RYR2: variants seen among roughly 807,000 people sequenced by gnomAD.
The protein encoded by RYR2 is ryanodine receptor 2, also known as cardiac muscle ryanodine receptor-calcium release channel.
Under a neutral mutation model 601.1 loss-of-function variants are expected in RYR2, and 227 were observed. The ratio of observed to expected loss-of-function variants is 0.38; its 90% CI spans 0.34 to 0.42. RYR2 has a LOEUF of 0.42. Ranked by LOEUF, RYR2 falls within the 10% of genes least tolerant of loss-of-function variation. The pLI is 1.00. For missense variants in RYR2, 4,646 were observed against 6,156.5 expected (o/e 0.75, Z 8.21); for synonymous variants, 2,223 against 2,175.1 (o/e 1.02, Z -0.61).
chr1:237,631,518 G>A lies in RYR2; in HGVS notation c.6532G>A (p.Val2178Ile), dbSNP rs794728821. ...HETVMEVMVN[V>I]LGGGESKEIT... ...GACTGTGATGGAGGTCATGGTGAAC[G>A]TCCTTGGAGGTGGAGAGTCCAAGGT... Residue 2178 changes from valine (V) to isoleucine (I), a missense_variant, in exon 42 of 105, where the codon GTC (valine) becomes ATC (isoleucine). This residue lies in a region of RYR2 where 137 missense variants were observed against 273.6 expected (regional missense o/e 0.50). Coordinates refer to ENST00000366574, the MANE Select transcript of RYR2 (RefSeq NM_001035.3). 6.2e-7 allele frequency: 1 copy of A among 1,607,508 alleles called. No homozygotes were observed. The highest frequency in any genetic ancestry group is 8.5e-7 in the Non-Finnish European group (1 of 1,176,228).
At position 237,086,352 on chromosome 1, in the gene RYR2, C is replaced by T. The variant is rs551221463; in HGVS notation, c.48+43783C>T. On this transcript the variant is annotated intron_variant, in intron 1 of 104. Coordinates refer to ENST00000366574, the MANE Select transcript of RYR2 (RefSeq NM_001035.3). ...TCACTAGTCATATTGGATGAGGGCT[C>T]ACCCTCATTTCCTCATTTTAACTCA... is the stretch of plus-strand genomic sequence containing the variant. Among the ~76,000 whole-genome samples the T allele has an allele frequency of 1.3e-3, 192 of 152,266 alleles. 1 individual carries two copies. Among genetic ancestry groups the T allele is most frequent in the African/African-American group, 4.4e-3 (182 of 41,566 alleles).
rs1680248057 is a variant in RYR2 at position 237,631,536 on chromosome 1, T to A, written c.6550T>A (p.Ser2184Thr). 6.3e-7 allele frequency: 1 copy of A among 1,596,336 alleles called. No homozygotes were observed. The highest frequency in any genetic ancestry group is 1.7e-5 in the Admixed American group (1 of 58,458). The change falls in exon 42 of 105, where the codon TCC (serine) becomes ACC (threonine). Residue 2184 changes from serine to threonine, a missense_variant. Around this residue, in one of 17 missense-constraint regions of RYR2, gnomAD observed 137 missense variants for 273.6 expected, o/e 0.50. Transcript: ENST00000366574. ...GGTGAACGTCCTTGGAGGTGGAGAG[T>A]CCAAGGTAACGTCTTTGATTCCTGA... ...VMVNVLGGGE[S>T]KEITFPKMVA...
At chr1:237,599,685 T>C (rs1272086716) in intron 34 of RYR2, among the ~76,000 whole-genome samples, 1 of 151,770 alleles carries the variant, frequency 6.6e-6, no homozygotes. Context: ...TAGCCGGGCA[T>C]GGTGGCAGGC....
intron 80 of RYR2, among the ~76,000 whole-genome samples, chr1:237,749,299 G>A (rs772006021): frequency 1.3e-5 from 2 of 152,170 alleles, no homozygotes; most frequent in Non-Finnish European, 1.5e-5. Context: ...GTGAGCGGAA[G>A]CCTCAATTTT....
At chr1:237,374,688 C>T (rs989260272) in intron 6 of RYR2, 29 bp from the exon 7 acceptor site, 2 of 1,573,146 alleles carry the variant, frequency 1.3e-6, no homozygotes, top group Non-Finnish European at 8.7e-7. Flanking sequence ...AAAACCTCTA[C>T]TTACAACTAC....
At chr1:237,779,809 C>CTGAT in intron 88 of RYR2, among the ~76,000 whole-genome samples, 1 of 152,192 alleles carries the variant, frequency 6.6e-6, no homozygotes, top group African/African-American at 2.4e-5. Context: ...TGAACTGAAC[C>CTGAT]TGATTTGATT....
At chr1:237,706,272 G>A (rs192446168) in intron 67 of RYR2, among the ~76,000 whole-genome samples, 1 of 152,112 alleles carries the variant, frequency 6.6e-6, no homozygotes, top group Non-Finnish European at 1.5e-5. Flanking sequence ...AAAAAGTTCA[G>A]CAAGGAGAAG....
intron 15 of RYR2, among the ~76,000 whole-genome samples, chr1:237,456,322 G>A (rs1023853157): frequency 1.3e-5 from 2 of 152,132 alleles, no homozygotes; most frequent in African/African-American, 4.8e-5. Context: ...ACAATAGAAG[G>A]CCATAAGTAT....
chr1:237,527,630 C>G (rs900992636), intron 24 of RYR2, among the ~76,000 whole-genome samples: 5 of 152,170 alleles, frequency 3.3e-5, no homozygotes, highest in Admixed American at 1.3e-4. Context: ...CTCTTCATCT[C>G]TTTATCCTTT....
In RYR2 at chr1:237,807,166, G is replaced by A. The variant is rs371378939; in HGVS notation, c.14298+883G>A. Among the ~76,000 whole-genome samples the A allele has an allele frequency of 2.6e-5, 4 of 152,048 alleles. No homozygotes were observed. In the East Asian group the frequency reaches 7.7e-4, roughly 29 times the overall value. On this transcript the variant is annotated intron_variant, in intron 99 of 104. Coordinates refer to ENST00000366574, the MANE Select transcript of RYR2 (RefSeq NM_001035.3). The stretch of plus-strand genomic sequence containing the variant: ...TTCTGAGTATGACTGTGACGTGCAC[G>A]GCAAGTCATGGGTCTAGCGACAAAA...
chr1:237,366,339 A>T (rs564748596), intron 5 of RYR2, among the ~76,000 whole-genome samples: 10 of 152,294 alleles, frequency 6.6e-5, no homozygotes, highest in Admixed American at 6.5e-4. Flanking sequence ...CTTTATCTTC[A>T]ACTGAGGCCA....
intron 1 of RYR2, among the ~76,000 whole-genome samples, chr1:237,194,570 G>A (rs915528707): frequency 7.2e-5 from 11 of 152,310 alleles, no homozygotes; most frequent in Admixed American, 4.6e-4. Flanking sequence ...GGGTGACAGA[G>A]TTAAGGAAAT....
rs138532033 is a variant in RYR2 at position 237,401,398 on chromosome 1, G to A, written c.773+13215G>A. ...GACCACTTGCGGTTCTGACCAACTG[G>A]CTATACATTTAGAGGTTCCCATAAT... is the stretch of plus-strand genomic sequence containing the variant. On this transcript the variant is annotated intron_variant, in intron 10 of 104. Coordinates refer to ENST00000366574, the MANE Select transcript of RYR2 (RefSeq NM_001035.3). 8.2e-3 allele frequency among the ~76,000 whole-genome samples: 1,244 copies of A among 151,536 alleles called. 9 individuals carry two copies. The highest frequency in any genetic ancestry group is 0.013 in the Non-Finnish European group (894 of 68,022).
At chr1:237,449,622 A>G (rs978695823) in intron 14 of RYR2, among the ~76,000 whole-genome samples, 2 of 152,032 alleles carry the variant, frequency 1.3e-5, no homozygotes, top group African/African-American at 4.8e-5. Flanking sequence ...CTTCTGCATG[A>G]AGGACTTTCT....
At chr1:237,701,938 A>C (rs765152819) in intron 65 of RYR2, 40 bp from the exon 66 acceptor site, 15 of 1,125,462 alleles carry the variant, frequency 1.3e-5, no homozygotes, top group Non-Finnish European at 1.9e-5. Flanking sequence ...TGTATAAATA[A>C]GTGGGTTTTT....
At chr1:237,628,490 G>T (rs543819140) in intron 41 of RYR2, among the ~76,000 whole-genome samples, 1 of 151,102 alleles carries the variant, frequency 6.6e-6, no homozygotes, top group East Asian at 2.0e-4. Flanking sequence ...TTGTTCTTGC[G>T]ATAGTTTACT....
intron 10 of RYR2, among the ~76,000 whole-genome samples, chr1:237,412,599 C>T (rs1704560072): frequency 6.6e-6 from 1 of 152,128 alleles, no homozygotes; most frequent in Non-Finnish European, 1.5e-5. Context: ...CTCTTTTTCT[C>T]AGTAGCTGTA....
At chr1:237,276,157 T>C (rs1263976758) in intron 2 of RYR2, among the ~76,000 whole-genome samples, 6 of 152,236 alleles carry the variant, frequency 3.9e-5, no homozygotes, top group African/African-American at 1.4e-4. Context: ...TGGAGCGTGG[T>C]AGCACGAACT....
chr1:237,403,665 G>T (rs1288017563), intron 10 of RYR2, among the ~76,000 whole-genome samples: 1 of 152,078 alleles, frequency 6.6e-6, no homozygotes, highest in African/African-American at 2.4e-5. Flanking sequence ...ATCTTAACCA[G>T]TCCCCCCTCC....
Sources: allele counts gnomAD v4.1 joint callset (sites outside exome capture counted in the v4.1 genomes callset), GRCh38; gene constraint gnomAD v4.1.1; regional missense constraint gnomAD v4.1.1; transcripts MANE v1.5; gene names NCBI Gene and HGNC (gene_info 2026-07-23, HGNC 2026-07-21).